NRG1: variants seen among roughly 807,000 people sequenced by gnomAD.
NRG1 encodes neuregulin 1, also known as pro-neuregulin-1, membrane-bound isoform.
NRG1 carries 18 observed loss-of-function variants against 63.8 expected under a neutral mutation model. That is an observed-to-expected ratio of 0.28 (90% CI 0.19 to 0.42). The LOEUF is 0.42. Among genes scored for constraint, NRG1 ranks in the 10% least tolerant of loss-of-function variants. The pLI is 1.00. For synonymous variants in NRG1, 302 were observed against 301.3 expected (o/e 1.00, Z -0.02); for missense variants, 762 against 814.7 (o/e 0.94, Z 0.79).
chr8:31,724,937 A>T (rs1467552640), intron 1 of NRG1, among the ~76,000 whole-genome samples: 1 of 152,174 alleles, frequency 6.6e-6, no homozygotes. Flanking sequence ...CATCTACTCA[A>T]CTCTGCCATT....
intron 1 of NRG1, among the ~76,000 whole-genome samples, chr8:32,188,066 A>G (rs776354864): frequency 6.6e-6 from 1 of 151,574 alleles, no homozygotes. Context: ...CTCTAGGATT[A>G]TAGATTTTTT....
At chr8:32,440,067 G>T (rs932764403) in intron 1 of NRG1, among the ~76,000 whole-genome samples, 1 of 152,114 alleles carries the variant, frequency 6.6e-6, no homozygotes, top group Non-Finnish European at 1.5e-5. Context: ...CAATCATGGC[G>T]GAAGACAAAC....
At chr8:32,342,508 G>A (rs1465461168) in intron 1 of NRG1, among the ~76,000 whole-genome samples, 1 of 152,148 alleles carries the variant, frequency 6.6e-6, no homozygotes, top group African/African-American at 2.4e-5. Context: ...GAAGGTTTAA[G>A]TAGCTAATCA....
chr8:32,286,661 G>A (rs984239608), intron 1 of NRG1, among the ~76,000 whole-genome samples: 2 of 152,114 alleles, frequency 1.3e-5, no homozygotes, highest in Non-Finnish European at 2.9e-5. Context: ...CTTCCTTTCT[G>A]TCTGGCCATA....
At chr8:31,949,926 G>A (rs926112596) in intron 1 of NRG1, among the ~76,000 whole-genome samples, 1 of 152,170 alleles carries the variant, frequency 6.6e-6, no homozygotes, top group African/African-American at 2.4e-5. Context: ...AGTCATCTAT[G>A]ATTCCTCATT....
intron 1 of NRG1, among the ~76,000 whole-genome samples, chr8:31,849,896 G>A (rs1205537731): frequency 6.6e-6 from 1 of 152,102 alleles, no homozygotes; most frequent in African/African-American, 2.4e-5. Context: ...CTGTTGGGGG[G>A]AAATTTTGCT....
chr8:31,889,731 A>G (rs1045842248), intron 1 of NRG1, among the ~76,000 whole-genome samples: 6 of 152,222 alleles, frequency 3.9e-5, no homozygotes, highest in Non-Finnish European at 7.3e-5. Context: ...AAAGGGAACC[A>G]ACAATCTGCA....
intron 7 of NRG1, among the ~76,000 whole-genome samples, chr8:32,744,130 T>C (rs1488526003): frequency 1.3e-5 from 2 of 152,124 alleles, no homozygotes; most frequent in East Asian, 3.9e-4. Flanking sequence ...TTAGGGGTCC[T>C]AAAAGAATCA....
intron 1 of NRG1, among the ~76,000 whole-genome samples, chr8:32,157,427 C>G (rs925173618): frequency 6.7e-6 from 1 of 149,532 alleles, no homozygotes; most frequent in African/African-American, 2.5e-5. Context: ...TTTGGGAGGC[C>G]GAGGCGGGCG....
chr8:31,822,947 A>G (rs1824146617), intron 1 of NRG1, among the ~76,000 whole-genome samples: 1 of 152,132 alleles, frequency 6.6e-6, no homozygotes, highest in African/African-American at 2.4e-5. Context: ...TGTGGCTACA[A>G]ATATTAGCTC....
intron 1 of NRG1, among the ~76,000 whole-genome samples, chr8:31,757,089 T>C (rs955310583): frequency 2.0e-5 from 3 of 152,184 alleles, no homozygotes; most frequent in African/African-American, 7.2e-5. Context: ...AAGGAGTAAA[T>C]AAAGCCACAT....
At chr8:31,714,135 A>G (rs76716900) in intron 1 of NRG1, among the ~76,000 whole-genome samples, 2,372 of 151,802 alleles carry the variant, frequency 0.016, 85 homozygotes, top group African/African-American at 0.052. Flanking sequence ...TTGGGAGACT[A>G]TGTATGCTTG....
At chr8:32,276,513 T>C (rs1852110111) in intron 1 of NRG1, among the ~76,000 whole-genome samples, 1 of 152,100 alleles carries the variant, frequency 6.6e-6, no homozygotes, top group South Asian at 2.1e-4. Context: ...TTTTGAGGCT[T>C]TTCTTTTTAT....
intron 5 of NRG1, among the ~76,000 whole-genome samples, chr8:32,697,957 C>T (rs755789819): frequency 6.6e-6 from 1 of 152,120 alleles, no homozygotes; most frequent in Non-Finnish European, 1.5e-5. Context: ...CCTGTAATCC[C>T]AGCACTTTGG....
intron 6 of NRG1, among the ~76,000 whole-genome samples, chr8:32,734,106 A>G (rs1824409014): frequency 6.6e-6 from 1 of 152,210 alleles, no homozygotes; most frequent in Non-Finnish European, 1.5e-5. Context: ...CACCATAGAC[A>G]TAGCAGATGT....
chr8:32,731,775 A>T (rs1823731797), intron 6 of NRG1, among the ~76,000 whole-genome samples: 1 of 152,198 alleles, frequency 6.6e-6, no homozygotes, highest in Non-Finnish European at 1.5e-5. Context: ...AGACATAAAA[A>T]TATTGCATTG....
At chr8:32,414,937 C>T (rs373979702) in intron 1 of NRG1, among the ~76,000 whole-genome samples, 37 of 152,082 alleles carry the variant, frequency 2.4e-4, no homozygotes, top group East Asian at 2.3e-3. Flanking sequence ...GTGTACAGTG[C>T]GAAAAACAGC....
chr8:32,103,168 C>G (rs1830791172), intron 1 of NRG1, among the ~76,000 whole-genome samples: 1 of 152,124 alleles, frequency 6.6e-6, no homozygotes, highest in Admixed American at 6.6e-5. Flanking sequence ...ACCATCTCTA[C>G]CTCTCCCTGA....
chr8:31,878,521 A>G (rs1830099578), intron 1 of NRG1, among the ~76,000 whole-genome samples: 2 of 152,222 alleles, frequency 1.3e-5, no homozygotes, highest in South Asian at 4.1e-4. Context: ...ATGGGGCAAT[A>G]TACTATTTAT....
Sources: gnomAD v4.1 joint callset for allele counts (sites outside exome capture counted in the v4.1 genomes callset) on GRCh38, gnomAD v4.1.1 for gene constraint, MANE v1.5 for transcripts, NCBI Gene and HGNC (gene_info 2026-07-23, HGNC 2026-07-21) for gene names.